The following SPINK5 variants were observed in gnomAD, a reference collection of about 807,000 sequenced individuals.
SPINK5 encodes the protein serine protease inhibitor Kazal-type 5.
Under a neutral mutation model 151.8 loss-of-function variants are expected in SPINK5, and 125 were observed. The observed-to-expected ratio is 0.82, with a 90% CI of 0.71 to 0.96. SPINK5 has a LOEUF of 0.96. Among genes scored for constraint, SPINK5 ranks in the 40% least tolerant of loss-of-function variants. The pLI is 0.00. For missense variants in SPINK5, 1,194 were observed against 1,291.9 expected, an observed-to-expected ratio of 0.92 and a Z score of 1.16; for synonymous variants, 374 against 395.3, an observed-to-expected ratio of 0.95 and a Z score of 0.64.
intron 4 of SPINK5, among the ~76,000 whole-genome samples, chr5:148,074,853 TTTG>T (rs1561674912): frequency 1.3e-5 from 2 of 151,754 alleles, no homozygotes; most frequent in East Asian, 1.9e-4. Flanking sequence ...TTTTATAATT[TTTG>T]TTAATATTTT....
intron 6 of SPINK5, 93 bp from the exon 7 acceptor site, chr5:148,089,401 T>C (rs767817021): frequency 3.3e-4 from 516 of 1,568,318 alleles, no homozygotes; most frequent in Middle Eastern, 5.0e-4. Context: ...CCCATAGCAA[T>C]GTCAGAGGGA....
intron 15 of SPINK5, among the ~76,000 whole-genome samples, chr5:148,103,483 T>C: frequency 6.6e-6 from 1 of 152,198 alleles, no homozygotes; most frequent in Middle Eastern, 3.2e-3. Context: ...TGCCACTTAG[T>C]GGTCATCTTT....
At chr5:148,069,343 T>G (rs1752674381) in intron 2 of SPINK5, among the ~76,000 whole-genome samples, 1 of 151,894 alleles carries the variant, frequency 6.6e-6, no homozygotes, top group Non-Finnish European at 1.5e-5. Context: ...TTCTATTATT[T>G]AAAATGTTTC....
Position 148,094,425 on chromosome 5 carries a change from C to T in SPINK5, c.738C>T (p.Val246=), listed in dbSNP as rs149544665. Residue 246 remains valine, a synonymous_variant, in exon 9 of 33, where the codon GTC becomes GTT. Transcript: ENST00000256084. ...TTTGTACACGGGAGAGTGATCCAGT[C>T]CGTGGCCCTGACGGCAGGATGCATG... ...RLFCTRESDP[V]RGPDGRMHGN... 533 of 1,612,830 alleles carry T rather than the reference C, an allele frequency of 3.3e-4. 6 individuals carry two copies. The East Asian group carries it at 0.01, about 31-fold the overall frequency.
At chr5:148,128,598 G>A (rs1015351934) in intron 30 of SPINK5, among the ~76,000 whole-genome samples, 1 of 151,954 alleles carries the variant, frequency 6.6e-6, no homozygotes, top group African/African-American at 2.4e-5. Context: ...GCGCGATCTC[G>A]GCTCACTGCA....
chr5:148,112,796 G>A, intron 19 of SPINK5, 72 bp from the exon 20 acceptor site: 1 of 1,599,864 alleles, frequency 6.3e-7, no homozygotes, highest in Non-Finnish European at 8.5e-7. Flanking sequence ...TTTTTATGTA[G>A]AGACATTTCT....
At chr5:148,096,871 A>G (rs1473114058) in intron 10 of SPINK5, among the ~76,000 whole-genome samples, 2 of 149,058 alleles carry the variant, frequency 1.3e-5, no homozygotes, top group Admixed American at 1.3e-4. Flanking sequence ...CTATCCTCAC[A>G]CCTCAGCTTT....
At chr5:148,122,808 T>C (rs1754304798) in intron 26 of SPINK5, among the ~76,000 whole-genome samples, 1 of 152,088 alleles carries the variant, frequency 6.6e-6, no homozygotes, top group Non-Finnish European at 1.5e-5. Flanking sequence ...TCTTATAAGA[T>C]TTTTACAACC....
intron 31 of SPINK5, 33 bp from the exon 32 acceptor site, chr5:148,133,764 C>T: frequency 2.5e-6 from 4 of 1,606,978 alleles, no homozygotes; most frequent in Non-Finnish European, 3.4e-6. Context: ...TGAGAACTTC[C>T]TCGTTGTTGA....
chr5:148,137,058 T>C lies in SPINK5; in HGVS notation c.*67T>C, dbSNP rs767716517. The C allele has an allele frequency of 1.3e-6, 2 of 1,586,206 alleles. No individual in the cohort carries two copies. Among genetic ancestry groups the C allele is most frequent in the Non-Finnish European group, 1.7e-6 (2 of 1,155,122 alleles). ...AGTTCTGAATCACCTACCTTCACCA[T>C]CTGTATATACAAAGAATTCTTCGGA... On this transcript the variant is annotated 3_prime_UTR_variant, in exon 33 of 33. Transcript: ENST00000256084.
rs185897034 is a variant in SPINK5 at position 148,123,965 on chromosome 5, G to T, written c.2666+5G>T. The T allele has an allele frequency of 6.2e-7, 1 of 1,613,662 alleles. No homozygotes were observed. The highest frequency in any genetic ancestry group is 8.5e-7 in the Non-Finnish European group (1 of 1,179,780). ...TGCTATGTGTCAGAGCATCTTGTAC[G>T]TAAAAAGGTTTATCAATAAATTTGA... On this transcript the variant is annotated splice_donor_5th_base_variant and intron_variant, in intron 27 of 32. Transcript: ENST00000256084.
intron 2 of SPINK5, among the ~76,000 whole-genome samples, chr5:148,069,467 C>CAG (rs1169348549): frequency 2.0e-5 from 3 of 147,494 alleles, no homozygotes; most frequent in East Asian, 4.0e-4. Flanking sequence ...AAAAAATTAC[C>CAG]AGAGAGAGAG....
chr5:148,065,479 G>A (rs375785536), intron 2 of SPINK5, 107 bp downstream of exon 2: 1 of 1,201,226 alleles, frequency 8.3e-7, no homozygotes, highest in Non-Finnish European at 1.2e-6. Flanking sequence ...TATACTGGTA[G>A]GTACTAATAG....
At position 148,120,286 on chromosome 5, in the gene SPINK5, T is replaced by TC. The variant is rs1561701516; in HGVS notation, c.2442-3dup. 1.9e-6 allele frequency: 3 copies of TC among 1,604,144 alleles called. No individual in the cohort carries two copies. The highest frequency in any genetic ancestry group is 1.1e-5 in the South Asian group (1 of 89,864). On this transcript the variant is annotated splice_polypyrimidine_tract_variant and intron_variant, in intron 25 of 32. Transcript: ENST00000256084. ...CTTTGATTGAAATGTTTCATTGTTT[T>TC]CCCCCCAGGGAAAGGGAAGCAGCTG...
intron 5 of SPINK5, 45 bp from the exon 6 acceptor site, chr5:148,088,497 G>T (rs755061592): frequency 6.4e-7 from 1 of 1,570,102 alleles, no homozygotes; most frequent in Non-Finnish European, 8.8e-7. Flanking sequence ...ATGGTGGGAA[G>T]TTCTGTGATA....
intron 32 of SPINK5, among the ~76,000 whole-genome samples, chr5:148,136,082 A>G (rs1482309129): frequency 1.3e-5 from 2 of 152,128 alleles, no homozygotes; most frequent in East Asian, 1.9e-4. Flanking sequence ...CTTGGGTTCA[A>G]TGTAGATATC....
At position 148,125,826 on chromosome 5, in the gene SPINK5, A is replaced by G; in HGVS notation, c.2843A>G (p.Lys948Arg). ...HGADGKFYTN[K>R]CYMCRAVFLT... ...GCTGATGGAAAGTTCTATACAAACA[A>G]GTGCTACATGTGCAGAGCTGTCTTG... is the stretch of plus-strand genomic sequence containing the variant. Residue 948 changes from lysine to arginine, a missense_variant, in exon 29 of 33, where the codon AAG becomes AGG. Coordinates refer to ENST00000256084, the MANE Select transcript of SPINK5 (RefSeq NM_006846.4). 6.2e-7 allele frequency: 1 copy of G among 1,614,224 alleles called. No individual in the cohort carries two copies. Among genetic ancestry groups the G allele is most frequent in the Middle Eastern group, 1.6e-4 (1 of 6,062 alleles).
In SPINK5 at chr5:148,116,444, G is replaced by T; in HGVS notation, c.2090G>T (p.Gly697Val). ...QRNAAGHGSS[G>V]GGGGNTQDEC... is the part of the protein sequence containing the mutation. ...AATGCTGCAGGACATGGTTCCAGTG[G>T]TGGTGGAGGAGGAAACACTCAGGTG... The change falls in exon 22 of 33, where the codon GGT becomes GTT. Residue 697 changes from glycine (G) to valine (V), a missense_variant. Gly to Val is a moderately radical substitution (Grantham distance 109, BLOSUM62 -3). Transcript: ENST00000256084. 1 of 1,612,086 alleles carries T rather than the reference G, an allele frequency of 6.2e-7. No individual in the cohort carries two copies. Among genetic ancestry groups the T allele is most frequent in the Non-Finnish European group, 8.5e-7 (1 of 1,179,986 alleles).
Position 148,064,096 on chromosome 5 carries a change from C to G in SPINK5, c.52C>G (p.Gln18Glu). 1 of 1,614,108 alleles carries G rather than the reference C, an allele frequency of 6.2e-7. No homozygotes were observed. Among genetic ancestry groups the G allele is most frequent in the Non-Finnish European group, 8.5e-7 (1 of 1,180,016 alleles). The change falls in exon 1 of 33, where the codon CAA becomes GAA. Residue 18 changes from glutamine to glutamate, a missense_variant. By Grantham distance (29) the Gln-to-Glu change is conservative (BLOSUM62 2). Transcript: ENST00000256084. The stretch of plus-strand genomic sequence containing the variant: ...TCTGCCCTTGGCTCTTTGCCTCATA[C>G]AAGGTGAGCAATTTGTGTGTAATCT... ...VLLPLALCLI[Q>E]DAASKNEDQE...
Sources: allele counts gnomAD v4.1 joint callset (sites outside exome capture counted in the v4.1 genomes callset), GRCh38; gene constraint gnomAD v4.1.1; transcripts MANE v1.5; gene names NCBI Gene and HGNC (gene_info 2026-07-23, HGNC 2026-07-21).